The following UBR2 variants were observed in gnomAD, a reference collection of about 807,000 sequenced individuals.
UBR2 encodes E3 ubiquitin-protein ligase UBR2.
UBR2 carries 92 observed loss-of-function variants against 247.9 expected under a neutral mutation model. That is an observed-to-expected ratio of 0.37 (90% CI 0.31 to 0.44). UBR2 has a LOEUF of 0.44. Among genes scored for constraint, UBR2 ranks in the 20% least tolerant of loss-of-function variants. The pLI is 1.00. For missense variants in UBR2, 1,613 were observed against 2,112.6 expected, an observed-to-expected ratio of 0.76 and a Z score of 4.64; for synonymous variants, 672 against 693.5, an observed-to-expected ratio of 0.97 and a Z score of 0.49.
intron 31 of UBR2, 96 bp downstream of exon 31, chr6:42,662,373 A>T (rs1215771860): frequency 1.6e-5 from 12 of 760,090 alleles, no homozygotes; most frequent in Admixed American, 2.9e-5. Flanking sequence ...AAGGAAAAGA[A>T]CTAAAAATGT....
At chr6:42,663,783 C>T (rs529617633) in intron 32 of UBR2, among the ~76,000 whole-genome samples, 3 of 152,158 alleles carry the variant, frequency 2.0e-5, no homozygotes, top group African/African-American at 7.2e-5. Flanking sequence ...GTCTAAAAAT[C>T]GAATAAAACT....
rs1232964989 is a variant in UBR2, at chr6:42,679,776, C to G, written c.4662C>G (p.Asn1554Lys). 6.2e-7 allele frequency: 1 copy of G among 1,613,682 alleles called. No homozygotes were observed. The highest frequency in any genetic ancestry group is 1.7e-5 in the Admixed American group (1 of 59,956). ...TATGTAGCTATCTTTCCCTACCAAA[C>G]AACCTCATTTGCCTTTTTCAAGAAA... is the stretch of plus-strand genomic sequence containing the variant. ...EHLCSYLSLPNNLICLFQENS... is the reference protein window; with the variant it reads ...EHLCSYLSLPKNLICLFQENS... The change falls in exon 42 of 47, where the codon AAC becomes AAG. Residue 1554 changes from asparagine to lysine, a missense_variant. Physicochemically the swap from Asn to Lys is moderately conservative, Grantham distance 94. This residue lies in a region of UBR2 where 1,524 missense variants were observed against 1,967.3 expected (regional missense o/e 0.77). Transcript: ENST00000372901.
At chr6:42,674,493 G>C (rs1469026369) in intron 38 of UBR2, among the ~76,000 whole-genome samples, 1 of 152,128 alleles carries the variant, frequency 6.6e-6, no homozygotes, top group Non-Finnish European at 1.5e-5. Flanking sequence ...GTCAGGTGTG[G>C]TGACTCATGC....
In UBR2 at chr6:42,683,106, T is replaced by C; in HGVS notation, c.4770T>C (p.Ala1590=). 6.2e-7 allele frequency: 1 copy of C among 1,612,432 alleles called. No individual in the cohort carries two copies. The highest frequency in any genetic ancestry group is 1.1e-5 in the South Asian group (1 of 90,918). The change falls in exon 43 of 47, where the codon GCT becomes GCC. Residue 1590 remains alanine (A), a synonymous_variant. Transcript: ENST00000372901. ...VKRYLEGERD[A]IRYPRESNKL... ...GATATCTAGAAGGTGAAAGAGATGCTATAAGGTAAGTTAAAGAGCCTCAAA... is the reference window on the plus strand; with the variant it reads ...GATATCTAGAAGGTGAAAGAGATGCCATAAGGTAAGTTAAAGAGCCTCAAA...
intron 2 of UBR2, among the ~76,000 whole-genome samples, chr6:42,590,636 T>C (rs908506130): frequency 1.3e-5 from 2 of 152,132 alleles, no homozygotes; most frequent in African/African-American, 4.8e-5. Flanking sequence ...AGAAAAAATA[T>C]CCATAATGAA....
At chr6:42,667,020 A>G (rs951455557) in intron 34 of UBR2, among the ~76,000 whole-genome samples, 7 of 152,190 alleles carry the variant, frequency 4.6e-5, no homozygotes, top group Non-Finnish European at 1.0e-4. Flanking sequence ...CCTGGCATGT[A>G]CCAAGTAACT....
At chr6:42,633,033 G>A in intron 13 of UBR2, 129 bp downstream of exon 13, 1 of 572,192 alleles carries the variant, frequency 1.7e-6, no homozygotes, top group Non-Finnish European at 2.8e-6. Context: ...AGGGTGGAGT[G>A]TAGTGGCTAG....
chr6:42,565,213 T>C (rs1790708697), intron 1 of UBR2, among the ~76,000 whole-genome samples: 1 of 152,284 alleles, frequency 6.6e-6, no homozygotes, highest in South Asian at 2.1e-4. Context: ...AACTGTAATA[T>C]GAATATGCTA....
intron 38 of UBR2, among the ~76,000 whole-genome samples, chr6:42,674,888 G>A (rs1798635518): frequency 1.3e-5 from 2 of 152,232 alleles, no homozygotes; most frequent in African/African-American, 2.4e-5. Flanking sequence ...TATAATTCAG[G>A]GAAAGGTATG....
At chr6:42,652,854 C>G (rs1272086094) in intron 25 of UBR2, among the ~76,000 whole-genome samples, 1 of 152,198 alleles carries the variant, frequency 6.6e-6, no homozygotes, top group Admixed American at 6.5e-5. Context: ...CTCAGTCCCA[C>G]TGGGCAGTTG....
chr6:42,616,172 C>T (rs1246021550), intron 10 of UBR2, 82 bp downstream of exon 10: 48 of 828,798 alleles, frequency 5.8e-5, no homozygotes, highest in East Asian at 3.2e-4. Flanking sequence ...AAAAAATTAA[C>T]ATCTAATAGT....
chr6:42,566,244 C>T (rs1467919385), intron 1 of UBR2, among the ~76,000 whole-genome samples: 1 of 152,004 alleles, frequency 6.6e-6, no homozygotes, highest in Non-Finnish European at 1.5e-5. Context: ...TGCGGGAGGC[C>T]AGTGCTCCTA....
intron 8 of UBR2, among the ~76,000 whole-genome samples, chr6:42,613,271 G>A (rs1562309607): frequency 6.6e-6 from 1 of 152,134 alleles, no homozygotes; most frequent in African/African-American, 2.4e-5. Context: ...GCAACACTGT[G>A]GATAAGTGAC....
intron 2 of UBR2, among the ~76,000 whole-genome samples, chr6:42,586,886 A>G (rs1792319933): frequency 6.8e-6 from 1 of 146,580 alleles, no homozygotes; most frequent in Admixed American, 6.9e-5. Context: ...CAGTGGCGCA[A>G]TCTCGGCTCA....
chr6:42,564,164 C>T lies in UBR2; in HGVS notation c.-156C>T. The stretch of plus-strand genomic sequence containing the variant: ...GCCGCTGTCCTTCCTTTCCGGTTCA[C>T]GTCACCCTTCTCTCCCTCTGTTGCT... On this transcript the variant is annotated 5_prime_UTR_variant, in exon 1 of 47. The change creates a new upstream start codon in the 5' untranslated region. Transcript: ENST00000372901. The T allele has an allele frequency of 2.5e-6, 2 of 784,558 alleles. No individual in the cohort carries two copies. The highest frequency in any genetic ancestry group is 2.0e-6 in the Non-Finnish European group (1 of 502,200). The allele number at this position is 784,558 out of a possible 1,614,324, so 48.6% of individuals were successfully genotyped here. A position where few individuals can be genotyped will look rare whatever the true frequency, so the allele number is the denominator to read the frequency against.
rs1799832088 is a variant in UBR2 at position 42,693,174 on chromosome 6, T to A, written c.*2001T>A. The stretch of plus-strand genomic sequence containing the variant: ...CTAGGAGCCTGGAGTTAGCAAAGGT[T>A]GTCTCTGGATTTCATTCTCTGAGAA... On this transcript the variant is annotated 3_prime_UTR_variant, in exon 47 of 47. Coordinates refer to ENST00000372901, the MANE Select transcript of UBR2 (RefSeq NM_001363705.2). 1 of 152,226 alleles carries A rather than the reference T, an allele frequency of 6.6e-6. No individual in the cohort carries two copies. Among genetic ancestry groups the A allele is most frequent in the East Asian group, 1.9e-4 (1 of 5,200 alleles). 9.4% of individuals were successfully genotyped at this position (152,226 alleles called of 1,614,324 possible). A position where few individuals can be genotyped will look rare whatever the true frequency, so the allele number is the denominator to read the frequency against.
intron 8 of UBR2, among the ~76,000 whole-genome samples, chr6:42,612,791 T>C (rs1425274388): frequency 6.6e-6 from 1 of 152,190 alleles, no homozygotes; most frequent in African/African-American, 2.4e-5. Flanking sequence ...AATTGGAAGT[T>C]ACCAATTTGC....
At chr6:42,661,958 A>T (rs1797839291) in intron 30 of UBR2, among the ~76,000 whole-genome samples, 1 of 152,242 alleles carries the variant, frequency 6.6e-6, no homozygotes. Context: ...TCAGTTTAAC[A>T]ATTTGAGAAT....
At chr6:42,572,747 TTGC>T (rs1323468170) in intron 1 of UBR2, among the ~76,000 whole-genome samples, 1 of 151,956 alleles carries the variant, frequency 6.6e-6, no homozygotes, top group Non-Finnish European at 1.5e-5. Context: ...AGACAGACTC[TTGC>T]TCTGTCGCCC....
Sources: allele counts gnomAD v4.1 joint callset (sites outside exome capture counted in the v4.1 genomes callset), GRCh38; gene constraint gnomAD v4.1.1; regional missense constraint gnomAD v4.1.1; transcripts MANE v1.5; gene names NCBI Gene and HGNC (gene_info 2026-07-23, HGNC 2026-07-21).